NAA35: variants seen among roughly 807,000 people sequenced by gnomAD.
NAA35 encodes the protein MAK10 homolog, amino-acid N-acetyltransferase subunit.
NAA35 carries 18 observed loss-of-function variants against 101.7 expected under a neutral mutation model. The ratio of observed to expected loss-of-function variants is 0.18; its 90% CI spans 0.12 to 0.26. NAA35 has a LOEUF of 0.26. NAA35 is among the 10% of genes least tolerant of loss of function. The probability of loss-of-function intolerance (pLI) is 1.00; values close to 1 mark genes in which losing one functional copy is unlikely to be tolerated. For missense variants in NAA35, 601 were observed against 886.8 expected, an observed-to-expected ratio of 0.68 and a Z score of 4.09; for synonymous variants, 267 against 273.1, an observed-to-expected ratio of 0.98 and a Z score of 0.22.
intron 5 of NAA35, among the ~76,000 whole-genome samples, chr9:85,960,893 T>A (rs1283342431): frequency 6.6e-6 from 1 of 152,126 alleles, no homozygotes; most frequent in African/African-American, 2.4e-5. Context: ...ACAGGAAGAT[T>A]CATGGTTTAG....
At chr9:85,970,259 G>A (rs1829948832) in intron 6 of NAA35, among the ~76,000 whole-genome samples, 1 of 152,120 alleles carries the variant, frequency 6.6e-6, no homozygotes, top group Non-Finnish European at 1.5e-5. Flanking sequence ...ATTTAATTCA[G>A]TATATCTAAA....
At chr9:85,964,673 A>G (rs905014522) in intron 6 of NAA35, among the ~76,000 whole-genome samples, 13 of 152,204 alleles carry the variant, frequency 8.5e-5, no homozygotes, top group African/African-American at 2.7e-4. Context: ...TTAATAGGCT[A>G]TGCTTCACTT....
intron 8 of NAA35, 86 bp downstream of exon 8, chr9:85,975,243 A>G: frequency 7.5e-7 from 1 of 1,332,580 alleles, no homozygotes; most frequent in Non-Finnish European, 1.0e-6. Context: ...GTGTAGAACC[A>G]CCTTTCTCCT....
chr9:85,941,717 C>G (rs945182090), intron 1 of NAA35: 2 of 986,498 alleles, frequency 2.0e-6, no homozygotes, highest in Non-Finnish European at 2.4e-6. Context: ...CGGGAGAGGT[C>G]CCAGCGAGCT....
chr9:85,972,704 T>C (rs1248240099), intron 6 of NAA35, among the ~76,000 whole-genome samples: 3 of 152,148 alleles, frequency 2.0e-5, no homozygotes, highest in African/African-American at 7.2e-5. Context: ...GTCTCTACCA[T>C]TCCCTAGTGT....
chr9:85,962,856 A>G (rs1829580278), intron 6 of NAA35, among the ~76,000 whole-genome samples: 1 of 152,216 alleles, frequency 6.6e-6, no homozygotes, highest in African/African-American at 2.4e-5. Context: ...GAGAACAAAG[A>G]TATGAATATT....
At chr9:85,986,934 G>A in intron 11 of NAA35, 1 of 166,038 alleles carries the variant, frequency 6.0e-6, no homozygotes, top group East Asian at 1.9e-4. Flanking sequence ...CCTGGAAGAA[G>A]AATTGGTCTT....
chr9:86,003,733 C>T, intron 13 of NAA35, 89 bp downstream of exon 13: 1 of 728,396 alleles, frequency 1.4e-6, no homozygotes, highest in Non-Finnish European at 2.1e-6. Flanking sequence ...AAGGTAGATG[C>T]TTTTAAAGGA....
chr9:85,963,332 G>T (rs1366605322), intron 6 of NAA35, among the ~76,000 whole-genome samples: 1 of 148,332 alleles, frequency 6.7e-6, no homozygotes, highest in Non-Finnish European at 1.5e-5. Context: ...GTACAATGGG[G>T]CAGTTTCGGC....
At chr9:85,945,249 C>T (rs563603709) in intron 2 of NAA35, among the ~76,000 whole-genome samples, 24 of 152,024 alleles carry the variant, frequency 1.6e-4, no homozygotes, top group African/African-American at 4.6e-4. Context: ...TGTTGAGTGG[C>T]GCAAATGTGA....
chr9:85,972,878 A>G (rs1030172641), intron 6 of NAA35, among the ~76,000 whole-genome samples: 2 of 152,228 alleles, frequency 1.3e-5, no homozygotes, highest in African/African-American at 4.8e-5. Flanking sequence ...CCGTGATCTC[A>G]TGGATTATAC....
At chr9:85,997,783 C>G (rs953195049) in intron 12 of NAA35, among the ~76,000 whole-genome samples, 8 of 152,196 alleles carry the variant, frequency 5.3e-5, no homozygotes, top group Non-Finnish European at 1.0e-4. Context: ...TGTGCTTGGC[C>G]TCACCTTAGT....
chr9:85,966,556 C>A, intron 6 of NAA35: 1 of 1,016,812 alleles, frequency 9.8e-7, no homozygotes, highest in Non-Finnish European at 1.3e-6. Flanking sequence ...TTTTTTCTTT[C>A]TTTCTTTTTT....
intron 11 of NAA35, among the ~76,000 whole-genome samples, chr9:85,985,624 A>G (rs1830616063): frequency 6.6e-6 from 1 of 152,230 alleles, no homozygotes; most frequent in African/African-American, 2.4e-5. Context: ...TAATGGGTAT[A>G]GAGTTTCTTC....
At chr9:86,011,909 ATATT>A (rs1054210298) in intron 15 of NAA35, among the ~76,000 whole-genome samples, 34 of 141,276 alleles carry the variant, frequency 2.4e-4, no homozygotes, top group African/African-American at 8.3e-4. Flanking sequence ...ATATTAATAT[ATATT>A]ATATATCATA....
intron 9 of NAA35, 121 bp from the exon 10 acceptor site, chr9:85,977,242 T>G: frequency 1.4e-6 from 1 of 713,818 alleles, no homozygotes; most frequent in Non-Finnish European, 2.5e-6. Flanking sequence ...AGCCTGTAAG[T>G]GAAGGTGCCT....
chr9:85,973,374 A>T, intron 6 of NAA35, among the ~76,000 whole-genome samples: 1 of 152,166 alleles, frequency 6.6e-6, no homozygotes, highest in East Asian at 1.9e-4. Context: ...GTGGTATATA[A>T]ATTATAGCAG....
At chr9:85,946,474 T>G (rs545203343) in intron 2 of NAA35, among the ~76,000 whole-genome samples, 1 of 152,260 alleles carries the variant, frequency 6.6e-6, no homozygotes, top group East Asian at 1.9e-4. Flanking sequence ...TAATCCAAAA[T>G]CTGCCATGCT....
intron 14 of NAA35, among the ~76,000 whole-genome samples, chr9:86,009,271 C>T (rs1323530318): frequency 6.6e-6 from 1 of 152,198 alleles, no homozygotes; most frequent in Non-Finnish European, 1.5e-5. Context: ...TCCCATTTCA[C>T]CAACTGCCTG....
Sources: allele counts gnomAD v4.1 joint callset (sites outside exome capture counted in the v4.1 genomes callset), GRCh38; gene constraint gnomAD v4.1.1; transcripts MANE v1.5; gene names NCBI Gene and HGNC (gene_info 2026-07-23, HGNC 2026-07-21).